The following PDLIM3 variants were observed in gnomAD, a reference collection of about 807,000 sequenced individuals.
The protein encoded by PDLIM3 is PDZ and LIM domain 3, also known as PDZ and LIM domain protein 3.
PDLIM3 carries 36 observed loss-of-function variants against 37.3 expected under a neutral mutation model. The observed-to-expected ratio is 0.97, with a 90% CI of 0.74 to 1.28. PDLIM3 has a LOEUF of 1.28. PDLIM3 is among the 50% of genes most tolerant of loss of function. The pLI is 0.00. For synonymous variants in PDLIM3, 174 were observed against 182.4 expected (o/e 0.95, Z 0.37); for missense variants, 454 against 485.0 (o/e 0.94, Z 0.60).
intron 7 of PDLIM3, among the ~76,000 whole-genome samples, chr4:185,503,040 AC>A (rs2095689837): frequency 6.6e-6 from 1 of 152,160 alleles, no homozygotes; most frequent in Non-Finnish European, 1.5e-5. Context: ...ATCCTGGCTA[AC>A]ACGGTGAAAC....
intron 1 of PDLIM3, among the ~76,000 whole-genome samples, chr4:185,527,214 A>C (rs574720706): frequency 1.3e-5 from 2 of 152,348 alleles, no homozygotes; most frequent in Non-Finnish European, 1.5e-5. Context: ...GTGAGTTTCT[A>C]TTAGAGCAGA....
Position 185,502,274 on chromosome 4 carries a change from C to A in PDLIM3, c.*20G>T, listed in dbSNP as rs780025014. On this transcript the variant is annotated 3_prime_UTR_variant, in exon 8 of 8. Transcript: ENST00000284767. ...GTGCGCGTGGGTGGGTGCGTGCGTGCGTGCCACGCCTGCAGAGACTTAAGC... is the reference window on the plus strand; with the variant it reads ...GTGCGCGTGGGTGGGTGCGTGCGTGAGTGCCACGCCTGCAGAGACTTAAGC... The A allele has an allele frequency of 1.2e-6, 2 of 1,612,348 alleles. No homozygotes were observed. Among genetic ancestry groups the A allele is most frequent in the Non-Finnish European group, 8.5e-7 (1 of 1,178,638 alleles).
At chr4:185,532,515 G>A (rs1194551619) in intron 1 of PDLIM3, among the ~76,000 whole-genome samples, 3 of 152,194 alleles carry the variant, frequency 2.0e-5, no homozygotes. Flanking sequence ...GTGGTGTGGT[G>A]TGGGGAAAAA....
At chr4:185,520,289 A>G (rs2095721524) in intron 3 of PDLIM3, among the ~76,000 whole-genome samples, 1 of 152,250 alleles carries the variant, frequency 6.6e-6, no homozygotes, top group Admixed American at 6.5e-5. Context: ...GTTCATTAGT[A>G]GAACTGAATT....
chr4:185,502,635 G>C, intron 7 of PDLIM3, 152 bp from the exon 8 acceptor site: 1 of 732,094 alleles, frequency 1.4e-6, no homozygotes, highest in Admixed American at 2.0e-5. Flanking sequence ...CCGTGAAACT[G>C]TATGTAATTG....
intron 1 of PDLIM3, among the ~76,000 whole-genome samples, chr4:185,534,955 C>A (rs533665700): frequency 6.6e-6 from 1 of 152,198 alleles, no homozygotes; most frequent in African/African-American, 2.4e-5. Flanking sequence ...CACCCGGGAC[C>A]CATCATTTGT....
chr4:185,503,894 G>A (rs954519000), intron 7 of PDLIM3, among the ~76,000 whole-genome samples: 1 of 152,196 alleles, frequency 6.6e-6, no homozygotes, highest in African/African-American at 2.4e-5. Flanking sequence ...CTTGCAGTGA[G>A]CCAAGATTGC....
chr4:185,519,430 C>T (rs57861684), intron 3 of PDLIM3, among the ~76,000 whole-genome samples: 18,011 of 152,012 alleles, frequency 0.12, 3,589 homozygotes, highest in African/African-American at 0.41. Context: ...GGACCACAGG[C>T]GTGTGCCACC....
intron 1 of PDLIM3, 81 bp downstream of exon 1, chr4:185,535,261 G>T: frequency 7.7e-7 from 1 of 1,294,546 alleles, no homozygotes; most frequent in Non-Finnish European, 1.1e-6. Context: ...GGCCGCCCTC[G>T]GCCCCGGGGC....
In PDLIM3 at chr4:185,514,775, A is replaced by C. The variant is rs1192963215; in HGVS notation, c.331-438T>G. 15 of 1,552,002 alleles carry C rather than the reference A, an allele frequency of 9.7e-6. No individual in the cohort carries two copies. Among genetic ancestry groups the C allele is most frequent in the Non-Finnish European group, 1.3e-5 (15 of 1,147,048 alleles). On this transcript the variant is annotated intron_variant, in intron 3 of 7. Transcript: ENST00000284767. The surrounding 1 kb of genome is among the most constrained non-coding windows in gnomAD (Gnocchi z 4.0). ...ATCTTGTATATTGCTAGTTGAATAG[A>C]GCCCAATTGGCGAGTTATAGGAAGC...
At position 185,530,717 on chromosome 4, in the gene PDLIM3, A is replaced by G. The variant is rs144869011; in HGVS notation, c.93+4625T>C. Among the ~76,000 whole-genome samples the G allele has an allele frequency of 2.7e-3, 408 of 152,254 alleles. 2 individuals are homozygous for G. The highest frequency in any genetic ancestry group is 9.2e-3 in the African/African-American group (383 of 41,546). On this transcript the variant is annotated intron_variant, in intron 1 of 7. Coordinates refer to ENST00000284767, the MANE Select transcript of PDLIM3 (RefSeq NM_014476.6). ...TAAGTGTTAAATTGCAGCTGTGCTG[A>G]GTAGCGCGATGAAGTCTTACTCTGT...
chr4:185,526,815 C>T (rs2095735003), intron 1 of PDLIM3, among the ~76,000 whole-genome samples: 1 of 152,156 alleles, frequency 6.6e-6, no homozygotes, highest in African/African-American at 2.4e-5. Context: ...GCCTGAAATG[C>T]TTCCCTTACT....
Position 185,514,854 on chromosome 4 carries a change from C to T in PDLIM3, c.331-517G>A, listed in dbSNP as rs551796933. 39 of 1,551,606 alleles carry T rather than the reference C, an allele frequency of 2.5e-5. No individual in the cohort carries two copies. In the South Asian group the frequency reaches 4.3e-4, roughly 17 times the overall value. ...TTTGCAGCTGCAACAAAAGGCTGGG[C>T]CCTTCTGTTGTGCGCGGTACCAATG... On this transcript the variant is annotated intron_variant, in intron 3 of 7. Coordinates refer to ENST00000284767, the MANE Select transcript of PDLIM3 (RefSeq NM_014476.6). The surrounding 1 kb of genome is among the most constrained non-coding windows in gnomAD (Gnocchi z 4.0).
chr4:185,523,510 T>C (rs2095726409), intron 2 of PDLIM3, 64 bp from the exon 3 acceptor site: 2 of 1,023,266 alleles, frequency 2.0e-6, no homozygotes, highest in East Asian at 4.9e-5. Flanking sequence ...TAGCATACTT[T>C]AGTTTCCCAT....
chr4:185,527,047 T>C (rs570845089), intron 1 of PDLIM3, among the ~76,000 whole-genome samples: 2 of 152,352 alleles, frequency 1.3e-5, no homozygotes, highest in Non-Finnish European at 1.5e-5. Context: ...ATGTACAATA[T>C]GATGTATATT....
chr4:185,507,459 T>G (rs958972813), intron 5 of PDLIM3, among the ~76,000 whole-genome samples: 4 of 152,208 alleles, frequency 2.6e-5, no homozygotes, highest in Admixed American at 1.3e-4. Context: ...TGTAATATTT[T>G]TATTCCCTAT....
Position 185,504,229 on chromosome 4 carries a change from T to C in PDLIM3, c.905+246A>G, listed in dbSNP as rs534951586. Among the ~76,000 whole-genome samples the C allele has an allele frequency of 1.2e-3, 189 of 151,580 alleles. No individual in the cohort carries two copies. Among genetic ancestry groups the C allele is most frequent in the Non-Finnish European group, 2.3e-3 (157 of 67,814 alleles). The stretch of plus-strand genomic sequence containing the variant: ...CTTTTCAACATACATTTGGGCATCT[T>C]TTTTTTTTCATGAGAATCTATCTGA... On this transcript the variant is annotated intron_variant, in intron 7 of 7. Transcript: ENST00000284767. The surrounding 1 kb of genome is among the most constrained non-coding windows in gnomAD (Gnocchi z 4.7).
At chr4:185,512,957 G>A (rs2095708964) in intron 4 of PDLIM3, 2 of 985,336 alleles carry the variant, frequency 2.0e-6, no homozygotes, top group African/African-American at 1.7e-5. Flanking sequence ...AGCATCGGGA[G>A]CGAGACGGCT....
chr4:185,508,815 T>C (rs138208716), intron 4 of PDLIM3, among the ~76,000 whole-genome samples: 76 of 152,370 alleles, frequency 5.0e-4, no homozygotes, highest in African/African-American at 1.8e-3. Flanking sequence ...TTTTTGGCTC[T>C]GTTTCACTAG....
Sources: allele counts gnomAD v4.1 joint callset (sites outside exome capture counted in the v4.1 genomes callset), GRCh38; gene constraint gnomAD v4.1.1; non-coding constraint Gnocchi (gnomAD v3.1); transcripts MANE v1.5; gene names NCBI Gene and HGNC (gene_info 2026-07-23, HGNC 2026-07-21).